Variants in FAM3C observed in about 807,000 individuals in gnomAD.
FAM3C encodes the protein FAM3 metabolism regulating signaling molecule C.
FAM3C carries 15 observed loss-of-function variants against 32.5 expected under a neutral mutation model. That is an observed-to-expected ratio of 0.46 (90% CI 0.31 to 0.71). The LOEUF is 0.71. Ranked by LOEUF, FAM3C falls within the 30% of genes least tolerant of loss-of-function variation. The probability of loss-of-function intolerance (pLI) is 0.05; values close to 1 mark genes in which losing one functional copy is unlikely to be tolerated. For missense variants in FAM3C, 175 were observed against 274.4 expected (o/e 0.64, Z 2.56); for synonymous variants, 75 against 86.1 (o/e 0.87, Z 0.72).
Position 121,381,504 on chromosome 7 carries a change from G to A in FAM3C, c.13+1453C>T, listed in dbSNP as rs559161455. Among the ~76,000 whole-genome samples, 4 of 152,220 alleles carry A rather than the reference G, an allele frequency of 2.6e-5. No homozygotes were observed. In the South Asian group the frequency reaches 8.3e-4, roughly 32 times the overall value. The stretch of plus-strand genomic sequence containing the variant: ...TCAGAACCAGAGAAATGGACTAAAT[G>A]ACAAAGTTAATTTCAAATAACATGA... On this transcript the variant is annotated intron_variant, in intron 2 of 9. Transcript: ENST00000359943.
chr7:121,354,086 T>C (rs1793762318), intron 8 of FAM3C, among the ~76,000 whole-genome samples: 1 of 150,928 alleles, frequency 6.6e-6, no homozygotes, highest in Non-Finnish European at 1.5e-5. Flanking sequence ...TCTGTGTAAC[T>C]AAGTAAAAAA....
At chr7:121,368,822 A>G (rs1056887022) in intron 5 of FAM3C, among the ~76,000 whole-genome samples, 9 of 151,860 alleles carry the variant, frequency 5.9e-5, no homozygotes, top group Admixed American at 2.0e-4. Flanking sequence ...AGATCTCAGA[A>G]TACACATCAC....
chr7:121,360,314 CCACT>C (rs1793894186), intron 7 of FAM3C, among the ~76,000 whole-genome samples, 187 bp from the exon 8 acceptor site: 3 of 151,984 alleles, frequency 2.0e-5, no homozygotes, highest in African/African-American at 7.3e-5. Flanking sequence ...TAACATAATC[CCACT>C]ATCAACTTAC....
intron 4 of FAM3C, among the ~76,000 whole-genome samples, 171 bp from the exon 5 acceptor site, chr7:121,371,594 T>A (rs893292679): frequency 2.6e-5 from 4 of 151,990 alleles, no homozygotes; most frequent in African/African-American, 4.8e-5. Context: ...CCTCAAAAAA[T>A]TTTTTTAAAA....
At chr7:121,394,848 G>C (rs1337414440) in intron 1 of FAM3C, among the ~76,000 whole-genome samples, 1 of 152,206 alleles carries the variant, frequency 6.6e-6, no homozygotes, top group Non-Finnish European at 1.5e-5. Context: ...CTTTCAGTAA[G>C]TGATTAACTT....
intron 2 of FAM3C, 46 bp from the exon 3 acceptor site, chr7:121,379,060 C>T (rs897614462): frequency 1.9e-6 from 2 of 1,038,722 alleles, no homozygotes; most frequent in Non-Finnish European, 1.4e-6. Flanking sequence ...GCCCACAGAA[C>T]TTTTATTTTG....
intron 3 of FAM3C, among the ~76,000 whole-genome samples, chr7:121,374,598 G>A (rs555158349): frequency 5.3e-5 from 8 of 152,220 alleles, no homozygotes; most frequent in Admixed American, 2.0e-4. Context: ...AACAAATGAC[G>A]AAGATAACCA....
chr7:121,377,048 T>C (rs1303377240), intron 3 of FAM3C, among the ~76,000 whole-genome samples: 2 of 152,146 alleles, frequency 1.3e-5, no homozygotes, highest in South Asian at 2.1e-4. Context: ...ATAATCCCTA[T>C]GTGTCATGGG....
intron 8 of FAM3C, among the ~76,000 whole-genome samples, chr7:121,358,247 T>C (rs1584690835): frequency 6.6e-6 from 1 of 152,130 alleles, no homozygotes; most frequent in Non-Finnish European, 1.5e-5. Context: ...TCTGTGATAA[T>C]GTAGCTATAA....
In FAM3C at chr7:121,364,133, T is replaced by C; in HGVS notation, c.328A>G (p.Asn110Asp). The C allele has an allele frequency of 3.1e-6, 5 of 1,593,808 alleles. No homozygotes were observed. In the East Asian group the frequency reaches 1.1e-4, roughly 36 times the overall value. Residue 110 changes from asparagine (N) to aspartate (D), a missense_variant, in exon 6 of 10, where the codon AAT becomes GAT. Physicochemically the swap from Asn to Asp is conservative, Grantham distance 23. Transcript: ENST00000359943. ...VGRGINVALA[N>D]GKTGEVLDTK... ...AAGCTAAAATAATTGTTCTTACCAT[T>C]TGCCAAGGCAACATTGATCCCTCTT... is the stretch of plus-strand genomic sequence containing the variant.
rs559648084 is a variant in FAM3C at position 121,381,589 on chromosome 7, T to C, written c.13+1368A>G. Among the ~76,000 whole-genome samples the C allele has an allele frequency of 2.0e-5, 3 of 152,002 alleles. No individual in the cohort carries two copies. In the South Asian group the frequency reaches 6.2e-4, roughly 32 times the overall value. On this transcript the variant is annotated intron_variant, in intron 2 of 9. Coordinates refer to ENST00000359943, the MANE Select transcript of FAM3C (RefSeq NM_014888.3). ...ATTTCAAATTGCCATGCTTAAATAA[T>C]GTACTTTAAAAATCATCTGGAGACA...
At chr7:121,359,585 T>C (rs1185084599) in intron 8 of FAM3C, among the ~76,000 whole-genome samples, 1 of 151,956 alleles carries the variant, frequency 6.6e-6, no homozygotes, top group Non-Finnish European at 1.5e-5. Context: ...TTACAACATA[T>C]ACTATTTTAA....
chr7:121,372,009 GCAGTTTTT>G, intron 4 of FAM3C, 93 bp downstream of exon 4: 1 of 776,014 alleles, frequency 1.3e-6, no homozygotes, highest in Non-Finnish European at 2.1e-6. Flanking sequence ...AATTTCTAAA[GCAGTTTTT>G]CCTCATACTG....
At chr7:121,372,046 T>A (rs1299416277) in intron 4 of FAM3C, 64 bp downstream of exon 4, 1 of 1,207,864 alleles carries the variant, frequency 8.3e-7, no homozygotes, top group Non-Finnish European at 1.2e-6. Context: ...ACACTTTGAA[T>A]ATAAGCTCTC....
chr7:121,392,743 T>C (rs914661735), intron 1 of FAM3C, among the ~76,000 whole-genome samples: 1 of 152,224 alleles, frequency 6.6e-6, no homozygotes, highest in Non-Finnish European at 1.5e-5. Context: ...GAGATGTTCA[T>C]ATAACTTTCT....
intron 1 of FAM3C, among the ~76,000 whole-genome samples, chr7:121,395,535 C>G (rs1431400982): frequency 6.6e-6 from 1 of 151,688 alleles, no homozygotes; most frequent in Non-Finnish European, 1.5e-5. Context: ...CTCTCAATCT[C>G]AAATTGCCAA....
At chr7:121,361,968 C>T (rs985694981) in intron 7 of FAM3C, among the ~76,000 whole-genome samples, 4 of 152,168 alleles carry the variant, frequency 2.6e-5, no homozygotes, top group Admixed American at 6.5e-5. Flanking sequence ...TGAGCCACCA[C>T]GTCCGGCTAC....
chr7:121,394,405 A>G (rs1307753542), intron 1 of FAM3C, among the ~76,000 whole-genome samples: 2 of 152,210 alleles, frequency 1.3e-5, no homozygotes, highest in Admixed American at 1.3e-4. Context: ...ATTGTAATAA[A>G]ACATCCATTA....
chr7:121,354,558 C>T (rs1793771535), intron 8 of FAM3C, among the ~76,000 whole-genome samples: 1 of 152,102 alleles, frequency 6.6e-6, no homozygotes, highest in Non-Finnish European at 1.5e-5. Flanking sequence ...TACAGTTGCA[C>T]CATCAAACCA....
Sources: gnomAD v4.1 joint callset for allele counts (sites outside exome capture counted in the v4.1 genomes callset) on GRCh38, gnomAD v4.1.1 for gene constraint, MANE v1.5 for transcripts, NCBI Gene and HGNC (gene_info 2026-07-23, HGNC 2026-07-21) for gene names.